BACE1: variants seen among roughly 807,000 people sequenced by gnomAD.
BACE1 encodes the protein APP beta-secretase.
Under a neutral mutation model 54.0 loss-of-function variants are expected in BACE1, and 21 were observed. The observed-to-expected ratio is 0.39, with a 90% confidence interval of 0.28 to 0.56. BACE1 has a LOEUF of 0.56. Ranked by LOEUF, BACE1 falls within the 20% of genes least tolerant of loss-of-function variation. The probability of loss-of-function intolerance (pLI) is 0.63; values close to 1 mark genes in which losing one functional copy is unlikely to be tolerated. For synonymous variants in BACE1, 232 were observed against 260.9 expected, an observed-to-expected ratio of 0.89 and a Z score of 1.07; for missense variants, 511 against 661.2, an observed-to-expected ratio of 0.77 and a Z score of 2.49.
At chr11:117,299,568 C>A in intron 1 of BACE1, 1 of 328,334 alleles carries the variant, frequency 3.0e-6, no homozygotes, top group South Asian at 2.3e-5. Flanking sequence ...TCCCGGCCCT[C>A]AGACCTTGTC....
At position 117,315,798 on chromosome 11, in the gene BACE1, T is replaced by C; in HGVS notation, c.-3A>G. On this transcript the variant is annotated 5_prime_UTR_variant, in exon 1 of 9. Coordinates refer to ENST00000313005, the MANE Select transcript of BACE1 (RefSeq NM_012104.6). The surrounding 1 kb of genome is among the most constrained non-coding windows in gnomAD (Gnocchi z 5.5). ...AGCCAGGGCAGGGCTTGGGCCATGG[T>C]GGGCCCCGGCCTTCGGGCCCTCTGG... The C allele has an allele frequency of 5.7e-6, 8 of 1,408,676 alleles. No individual in the cohort carries two copies. Among genetic ancestry groups the C allele is most frequent in the Middle Eastern group, 2.6e-4 (1 of 3,918 alleles). 87.3% of individuals were successfully genotyped at this position (1,408,676 alleles called of 1,614,324 possible). A position where few individuals can be genotyped will look rare whatever the true frequency, so the allele number is the denominator to read the frequency against.
intron 2 of BACE1, 90 bp downstream of exon 2, chr11:117,296,783 C>CA: frequency 9.9e-7 from 1 of 1,012,696 alleles, no homozygotes; most frequent in Non-Finnish European, 1.5e-6. Context: ...ATCTGAGGAT[C>CA]AACTCTTTCT....
intron 1 of BACE1, among the ~76,000 whole-genome samples, chr11:117,302,921 T>A (rs960680072): frequency 1.3e-5 from 2 of 151,382 alleles, no homozygotes; most frequent in African/African-American, 4.8e-5. Context: ...CTTGTCACTC[T>A]GTAATTATAC....
At position 117,293,103 on chromosome 11, in the gene BACE1, A is replaced by G; in HGVS notation, c.791T>C (p.Ile264Thr). The change falls in exon 5 of 9, where the codon ATT becomes ACT. Residue 264 changes from isoleucine (I) to threonine (T), a missense_variant. Coordinates refer to ENST00000313005, the MANE Select transcript of BACE1 (RefSeq NM_012104.6). This position sits in a 1 kb window ranked among gnomAD's most constrained non-coding sequence, Gnocchi z 4.1. ...CTGTCCATTGATCTCCACCCGCACAATGATCACCTCATAATACCACTCCCG... is the reference window on the plus strand; with the variant it reads ...CTGTCCATTGATCTCCACCCGCACAGTGATCACCTCATAATACCACTCCCG... ...IRREWYYEVI[I>T]VRVEINGQDL... 6.2e-7 allele frequency: 1 copy of G among 1,614,054 alleles called. No homozygotes were observed. Among genetic ancestry groups the G allele is most frequent in the Non-Finnish European group, 8.5e-7 (1 of 1,180,014 alleles).
At position 117,289,195 on chromosome 11, in the gene BACE1, G is replaced by A. The variant is rs1047941226; in HGVS notation, c.*371C>T. On this transcript the variant is annotated 3_prime_UTR_variant, in exon 9 of 9. Transcript: ENST00000313005. ...ACAGGGACACACGCCAAGGTAACCTGCGTGTGATGCCAGTACTTCTGAAAC... is the reference window on the plus strand; with the variant it reads ...ACAGGGACACACGCCAAGGTAACCTACGTGTGATGCCAGTACTTCTGAAAC... The A allele has an allele frequency of 2.1e-5, 5 of 238,990 alleles. No homozygotes were observed. The highest frequency in any genetic ancestry group is 3.4e-5 in the Non-Finnish European group (4 of 119,220). 14.8% of individuals were successfully genotyped at this position (238,990 alleles called of 1,614,324 possible).
intron 1 of BACE1, among the ~76,000 whole-genome samples, chr11:117,311,353 C>T (rs2034939368): frequency 6.6e-6 from 1 of 152,136 alleles, no homozygotes; most frequent in African/African-American, 2.4e-5. Context: ...AATTTGTATA[C>T]AAGTACTATA....
At chr11:117,291,199 AAGAG>A in intron 6 of BACE1, 150 bp from the exon 7 acceptor site, 2 of 926,408 alleles carry the variant, frequency 2.2e-6, no homozygotes, top group Non-Finnish European at 3.2e-6. Context: ...GGATTACAGG[AAGAG>A]AGAGGGAGTG....
chr11:117,287,401 T>C lies in BACE1; in HGVS notation c.*2165A>G, dbSNP rs187577640. 5.2e-5 allele frequency: 8 copies of C among 152,752 alleles called. No homozygotes were observed. The highest frequency in any genetic ancestry group is 5.2e-4 in the Admixed American group (8 of 15,302). The allele number at this position is 152,752 out of a possible 1,614,324, so 9.5% of individuals were successfully genotyped here. A position where few individuals can be genotyped will look rare whatever the true frequency, so the allele number is the denominator to read the frequency against. ...CAGGAGCAGAATTTAAAAATACAGATGTATAATACATATTTTTACAAGCAA... is the reference window on the plus strand; with the variant it reads ...CAGGAGCAGAATTTAAAAATACAGACGTATAATACATATTTTTACAAGCAA... On this transcript the variant is annotated 3_prime_UTR_variant, in exon 9 of 9. Coordinates refer to ENST00000313005, the MANE Select transcript of BACE1 (RefSeq NM_012104.6).
At chr11:117,298,260 C>T (rs986322124) in intron 1 of BACE1, among the ~76,000 whole-genome samples, 4 of 152,054 alleles carry the variant, frequency 2.6e-5, no homozygotes, top group African/African-American at 9.7e-5. Flanking sequence ...CGAAATTACA[C>T]CACTGCACTC....
At position 117,287,213 on chromosome 11, in the gene BACE1, A is replaced by G. The variant is rs2034286377; in HGVS notation, c.*2353T>C. ...AGTTGTGCATGGGAGCGAGCGCCTC[A>G]GTGTTACTCTTTCTTGTTCAGGATC... On this transcript the variant is annotated 3_prime_UTR_variant, in exon 9 of 9. Coordinates refer to ENST00000313005, the MANE Select transcript of BACE1 (RefSeq NM_012104.6). 6.6e-6 allele frequency: 1 copy of G among 152,376 alleles called. No homozygotes were observed. The highest frequency in any genetic ancestry group is 2.4e-5 in the African/African-American group (1 of 41,564). The allele number at this position is 152,376 out of a possible 1,614,324, so 9.4% of individuals were successfully genotyped here. A position where few individuals can be genotyped will look rare whatever the true frequency, so the allele number is the denominator to read the frequency against.
In BACE1 at chr11:117,287,102, A is replaced by T. The variant is rs1467058917; in HGVS notation, c.*2464T>A. ...GAAGCCAAAGGAGTAAAGAAAGAAAAAAGGAAGGGGTGAGGAGGGGGCTTA... is the reference window on the plus strand; with the variant it reads ...GAAGCCAAAGGAGTAAAGAAAGAAATAAGGAAGGGGTGAGGAGGGGGCTTA... On this transcript the variant is annotated 3_prime_UTR_variant, in exon 9 of 9. Transcript: ENST00000313005. 1 of 152,212 alleles carries T rather than the reference A, an allele frequency of 6.6e-6. No individual in the cohort carries two copies. Among genetic ancestry groups the T allele is most frequent in the East Asian group, 1.9e-4 (1 of 5,196 alleles). The allele number at this position is 152,212 out of a possible 1,614,324, so 9.4% of individuals were successfully genotyped here.
In BACE1 at chr11:117,315,679, C is replaced by T. The variant is rs2035094408; in HGVS notation, c.117G>A (p.Leu39=). 2 of 1,529,666 alleles carry T rather than the reference C, an allele frequency of 1.3e-6. No individual in the cohort carries two copies. Among genetic ancestry groups the T allele is most frequent in the Non-Finnish European group, 1.8e-6 (2 of 1,140,672 alleles). 94.8% of individuals were successfully genotyped at this position (1,529,666 alleles called of 1,614,324 possible). Residue 39 remains leucine, a synonymous_variant, in exon 1 of 9, where the codon CTG becomes CTA. Coordinates refer to ENST00000313005, the MANE Select transcript of BACE1 (RefSeq NM_012104.6). The surrounding 1 kb of genome is among the most constrained non-coding windows in gnomAD (Gnocchi z 5.5). ...PLRSGLGGAP[L]GLRLPRETDE... ...CGGTCTCCCGGGGCAGCCGCAGCCC[C>T]AGGGGGGCGCCCCCCAGGCCGCTGC... is the stretch of plus-strand genomic sequence containing the variant.
At chr11:117,308,179 G>C (rs928140491) in intron 1 of BACE1, among the ~76,000 whole-genome samples, 2 of 152,014 alleles carry the variant, frequency 1.3e-5, no homozygotes, top group Non-Finnish European at 2.9e-5. Flanking sequence ...AGGAAAAAAA[G>C]AAAAACCACC....
intron 6 of BACE1, 103 bp from the exon 7 acceptor site, chr11:117,291,152 T>G (rs189894551): frequency 7.0e-7 from 1 of 1,424,382 alleles, no homozygotes; most frequent in South Asian, 1.3e-5. Flanking sequence ...GCTTTTCCAG[T>G]GAAATATCTA....
At chr11:117,298,814 C>CT (rs1015900326) in intron 1 of BACE1, among the ~76,000 whole-genome samples, 1 of 151,950 alleles carries the variant, frequency 6.6e-6, no homozygotes, top group Non-Finnish European at 1.5e-5. Flanking sequence ...AGCATCACTT[C>CT]TTTTTTTTGA....
intron 1 of BACE1, among the ~76,000 whole-genome samples, chr11:117,304,202 G>A (rs1219012468): frequency 1.3e-5 from 2 of 152,136 alleles, no homozygotes; most frequent in Non-Finnish European, 2.9e-5. Flanking sequence ...TGCCCTCTTG[G>A]AACGCTGTCC....
chr11:117,295,579 T>C, intron 2 of BACE1: 1 of 1,535,656 alleles, frequency 6.5e-7, no homozygotes, highest in Non-Finnish European at 8.7e-7. Context: ...CTATTGCTCA[T>C]ATTCCTAGAT....
At chr11:117,292,810 A>G (rs2034481890) in intron 5 of BACE1, 8 of 420,472 alleles carry the variant, frequency 1.9e-5, no homozygotes, top group Non-Finnish European at 3.4e-5. Context: ...GAAGCAAGGC[A>G]GTGACTAGAG....
intron 1 of BACE1, among the ~76,000 whole-genome samples, chr11:117,306,575 A>C (rs2034836731): frequency 6.6e-6 from 1 of 152,156 alleles, no homozygotes; most frequent in African/African-American, 2.4e-5. Context: ...TGGGAGGCTG[A>C]GGTGGGCGGA....
Sources: gnomAD v4.1 joint callset for allele counts (sites outside exome capture counted in the v4.1 genomes callset) on GRCh38, gnomAD v4.1.1 for gene constraint, Gnocchi (gnomAD v3.1) non-coding constraint, MANE v1.5 for transcripts, NCBI Gene and HGNC (gene_info 2026-07-23, HGNC 2026-07-21) for gene names.